Variants in VAMP7 observed in about 807,000 individuals in gnomAD.
VAMP7 encodes vesicle-associated membrane protein 7.
A neutral mutation model predicts 29.6 loss-of-function variants in VAMP7; 14 were observed. The ratio of observed to expected loss-of-function variants is 0.47; its 90% CI spans 0.31 to 0.74. The LOEUF (loss-of-function observed/expected upper bound fraction) is 0.74, where lower values mean the gene tolerates loss of function less well. Ranked by LOEUF, VAMP7 falls within the 30% of genes least tolerant of loss-of-function variation. The pLI, the probability that VAMP7 is intolerant of heterozygous loss-of-function variation, is 0.05. For synonymous variants in VAMP7, 95 were observed against 88.1 expected (o/e 1.08, Z -0.44); for missense variants, 223 against 262.4 (o/e 0.85, Z 1.04).
Position 155,912,666 on chromosome X carries a change from C to T in VAMP7, c.434-7147C>T, listed in dbSNP as rs751686005. ...GAGAATGATGGTTTCCAGCTTCATCCATGTCCCTGCAAAGGACATGAACTC... is the reference window on the plus strand; with the variant it reads ...GAGAATGATGGTTTCCAGCTTCATCTATGTCCCTGCAAAGGACATGAACTC... On this transcript the variant is annotated intron_variant, in intron 5 of 7. Coordinates refer to ENST00000286448, the MANE Select transcript of VAMP7 (RefSeq NM_005638.6). Among the ~76,000 whole-genome samples the T allele has an allele frequency of 2.0e-4, 31 of 152,196 alleles. No individual in the cohort carries two copies. The East Asian group carries it at 5.6e-3, about 28-fold the overall frequency.
chrX:155,917,531 TTC>T (rs1212452659), intron 5 of VAMP7, among the ~76,000 whole-genome samples: 1 of 152,176 alleles, frequency 6.6e-6, no homozygotes, highest in Non-Finnish European at 1.5e-5. Context: ...TGCTATTCCT[TTC>T]TGTTTGTTAG....
intron 5 of VAMP7, among the ~76,000 whole-genome samples, chrX:155,905,006 A>G (rs2066128268): frequency 6.6e-6 from 1 of 151,524 alleles, no homozygotes; most frequent in South Asian, 2.1e-4. Flanking sequence ...AGAAGGGCCA[A>G]ACTTTCCTAA....
intron 4 of VAMP7, 141 bp downstream of exon 4, chrX:155,898,390 T>TAAAAAAAA: frequency 9.5e-7 from 1 of 1,050,364 alleles, no homozygotes; most frequent in Non-Finnish European, 1.3e-6. Context: ...CTTCCCTGAT[T>TAAAAAAAA]AAAAAAAAAA....
At chrX:155,927,714 T>C (rs1039358680) in intron 6 of VAMP7, among the ~76,000 whole-genome samples, 5 of 151,872 alleles carry the variant, frequency 3.3e-5, no homozygotes, top group Non-Finnish European at 7.4e-5. Context: ...TTCATCATTT[T>C]TTTAAAGAAT....
chrX:155,941,047 A>G (rs928047492), intron 7 of VAMP7, among the ~76,000 whole-genome samples: 3 of 152,182 alleles, frequency 2.0e-5, no homozygotes, highest in African/African-American at 7.2e-5. Flanking sequence ...ATAGGGGCTT[A>G]TGCCTGTAAT....
In VAMP7 at chrX:155,943,412, C is replaced by G. The variant is rs1262185943; in HGVS notation, c.*1461C>G. On this transcript the variant is annotated 3_prime_UTR_variant, in exon 8 of 8. Coordinates refer to ENST00000286448, the MANE Select transcript of VAMP7 (RefSeq NM_005638.6). ...TCATTTATTTGACATAGATCTTAGGCCCACTTGAACTCTTTTCTTGTTTAT... is the reference window on the plus strand; with the variant it reads ...TCATTTATTTGACATAGATCTTAGGGCCACTTGAACTCTTTTCTTGTTTAT... 6.6e-6 allele frequency: 1 copy of G among 152,252 alleles called. No homozygotes were observed. The highest frequency in any genetic ancestry group is 1.5e-5 in the Non-Finnish European group (1 of 67,980). The allele number at this position is 152,252 out of a possible 1,614,324, so 9.4% of individuals were successfully genotyped here. A position where few individuals can be genotyped will look rare whatever the true frequency, so the allele number is the denominator to read the frequency against.
At chrX:155,937,142 T>C (rs2066672102) in intron 6 of VAMP7, among the ~76,000 whole-genome samples, 1 of 152,194 alleles carries the variant, frequency 6.6e-6, no homozygotes, top group Non-Finnish European at 1.5e-5. Context: ...TAGAAGACAT[T>C]ATATTAAGTG....
rs755906815 is a variant in VAMP7, at chrX:155,903,161, G to T, written c.433+2574G>T. On this transcript the variant is annotated intron_variant, in intron 5 of 7. Transcript: ENST00000286448. ...GATTTTCTAGTTTATTTGCGTAGAG[G>T]TGTTTGTAGTATTCTCTGATTGTAG... is the stretch of plus-strand genomic sequence containing the variant. Among the ~76,000 whole-genome samples, 651 of 152,176 alleles carry T rather than the reference G, an allele frequency of 4.3e-3. 5 individuals carry two copies. Among genetic ancestry groups the T allele is most frequent in the Non-Finnish European group, 7.7e-3 (522 of 68,008 alleles).
intron 5 of VAMP7, among the ~76,000 whole-genome samples, chrX:155,902,976 TCTG>T (rs2066088936): frequency 6.6e-6 from 1 of 151,874 alleles, no homozygotes; most frequent in Non-Finnish European, 1.5e-5. Context: ...CTGGTAGAAT[TCTG>T]CTGTGAATCC....
intron 6 of VAMP7, among the ~76,000 whole-genome samples, chrX:155,933,916 T>C (rs987285414): frequency 6.6e-6 from 1 of 152,180 alleles, no homozygotes; most frequent in African/African-American, 2.4e-5. Flanking sequence ...TTCTCATTGG[T>C]TTCAAAGAAC....
chrX:155,937,604 G>A (rs1455840963), intron 6 of VAMP7, among the ~76,000 whole-genome samples: 1 of 152,134 alleles, frequency 6.6e-6, no homozygotes, highest in Admixed American at 6.5e-5. Context: ...ACAAAAGCTT[G>A]GAGGTCTGAA....
At chrX:155,933,813 TC>T (rs1386299301) in intron 6 of VAMP7, among the ~76,000 whole-genome samples, 1 of 152,228 alleles carries the variant, frequency 6.6e-6, no homozygotes, top group East Asian at 1.9e-4. Flanking sequence ...TTTATATCTT[TC>T]CTGCTTCCTT....
intron 5 of VAMP7, among the ~76,000 whole-genome samples, chrX:155,916,322 G>T (rs1426547407): frequency 6.6e-6 from 1 of 152,114 alleles, no homozygotes; most frequent in African/African-American, 2.4e-5. Context: ...TTGCCAGTCT[G>T]TGTCTTTTAT....
chrX:155,901,053 G>A (rs1006165379), intron 5 of VAMP7, among the ~76,000 whole-genome samples: 1 of 151,914 alleles, frequency 6.6e-6, no homozygotes, highest in African/African-American at 2.4e-5. Context: ...ATGTCAATTG[G>A]ACTGAACAGT....
At position 155,942,031 on chromosome X, in the gene VAMP7, T is replaced by C; in HGVS notation, c.*80T>C. ...ATCCATGTGACTCAAGCCTTTCACA[T>C]ACTGACAGATGGTATCTGCCAGTCT... On this transcript the variant is annotated 3_prime_UTR_variant, in exon 8 of 8. Coordinates refer to ENST00000286448, the MANE Select transcript of VAMP7 (RefSeq NM_005638.6). 1.2e-6 allele frequency: 2 copies of C among 1,611,830 alleles called. No individual in the cohort carries two copies. The highest frequency in any genetic ancestry group is 2.2e-5 in the South Asian group (2 of 90,784).
intron 6 of VAMP7, among the ~76,000 whole-genome samples, chrX:155,932,153 T>C (rs2066568964): frequency 2.0e-5 from 3 of 152,062 alleles, no homozygotes. Flanking sequence ...ATGCCTACAG[T>C]TTTGTTCTTT....
chrX:155,935,702 G>A (rs1202742915), intron 6 of VAMP7, among the ~76,000 whole-genome samples: 7 of 152,044 alleles, frequency 4.6e-5, no homozygotes, highest in Admixed American at 6.6e-5. Context: ...TTCTCAACTC[G>A]TCAAAGTCAT....
chrX:155,925,613 G>T (rs1399007894), intron 6 of VAMP7, among the ~76,000 whole-genome samples: 1 of 152,212 alleles, frequency 6.6e-6, no homozygotes, highest in Middle Eastern at 3.2e-3. Flanking sequence ...CATTGGTTTG[G>T]CCTGGAAAGG....
In VAMP7 at chrX:155,929,215, C is replaced by T. The variant is rs142221810; in HGVS notation, c.501+9335C>T. Among the ~76,000 whole-genome samples the T allele has an allele frequency of 6.4e-3, 970 of 152,218 alleles. 16 individuals carry two copies. The highest frequency in any genetic ancestry group is 0.022 in the African/African-American group (930 of 41,536). ...TTTGGGCCAAGTTTGAGGACTGCAA[C>T]CCAGGAGCATAGATTCAAGTTGCTC... On this transcript the variant is annotated intron_variant, in intron 6 of 7. Coordinates refer to ENST00000286448, the MANE Select transcript of VAMP7 (RefSeq NM_005638.6).
Sources: allele counts gnomAD v4.1 joint callset (sites outside exome capture counted in the v4.1 genomes callset), GRCh38; gene constraint gnomAD v4.1.1; transcripts MANE v1.5; gene names NCBI Gene and HGNC (gene_info 2026-07-23, HGNC 2026-07-21).